The following NRXN3 variants were observed in gnomAD, a reference collection of about 807,000 sequenced individuals.
The protein encoded by NRXN3 is neurexin 3.
In NRXN3, 32 loss-of-function variants were observed where a neutral mutation model predicts 137.6. The observed-to-expected ratio is 0.23, with a 90% CI of 0.18 to 0.31. The LOEUF is 0.31. Ranked by LOEUF, NRXN3 falls within the 10% of genes least tolerant of loss-of-function variation. The pLI, the probability that NRXN3 is intolerant of heterozygous loss-of-function variation, is 1.00. For missense variants in NRXN3, 1,574 were observed against 2,062.5 expected (o/e 0.76, Z 4.59); for synonymous variants, 798 against 784.5 (o/e 1.02, Z -0.29).
chr14:78,341,507 T>C (rs1226637763), intron 4 of NRXN3, among the ~76,000 whole-genome samples: 1 of 152,160 alleles, frequency 6.6e-6, no homozygotes, highest in African/African-American at 2.4e-5. Context: ...ATAGACAATA[T>C]GTAAAAAATG....
At chr14:79,245,020 T>C (rs1308798814) in intron 15 of NRXN3, among the ~76,000 whole-genome samples, 1 of 152,052 alleles carries the variant, frequency 6.6e-6, no homozygotes. Flanking sequence ...GATTCTTGGG[T>C]CCCAGTCTCA....
At chr14:78,887,374 T>C (rs2099146579) in intron 10 of NRXN3, among the ~76,000 whole-genome samples, 1 of 151,238 alleles carries the variant, frequency 6.6e-6, no homozygotes, top group African/African-American at 2.4e-5. Flanking sequence ...TTTATCTTTC[T>C]TTTTTTTTCT....
rs187758762 is a variant in NRXN3 at position 78,989,829 on chromosome 14, C to G, written c.3262+1688C>G. On this transcript the variant is annotated intron_variant, in intron 15 of 20. Coordinates refer to ENST00000335750, the MANE Select transcript of NRXN3 (RefSeq NM_001330195.2). ...GGTAGAAAATGGTCAGGAAGAGACT[C>G]TCCACACAGAACAGGTATAAAGGTA... 3.9e-5 allele frequency among the ~76,000 whole-genome samples: 6 copies of G among 152,312 alleles called. No homozygotes were observed. In the East Asian group the frequency reaches 7.7e-4, roughly 20 times the overall value.
In NRXN3 at chr14:79,377,503, T is replaced by C. The variant is rs112448399; in HGVS notation, c.3263-89718T>C. 8.1e-3 allele frequency among the ~76,000 whole-genome samples: 1,235 copies of C among 152,134 alleles called. 18 individuals are homozygous for C. The highest frequency in any genetic ancestry group is 0.028 in the African/African-American group (1,159 of 41,516). On this transcript the variant is annotated intron_variant, in intron 15 of 20. Transcript: ENST00000335750. Reference sequence around the variant, plus strand: ...GCATAGTGGCTCATGCCTGTAATCCTAGCACTTTGGGAGGCCGAGGCAGGC... The same window carrying C: ...GCATAGTGGCTCATGCCTGTAATCCCAGCACTTTGGGAGGCCGAGGCAGGC...
intron 4 of NRXN3, among the ~76,000 whole-genome samples, chr14:78,336,537 G>T (rs528057180): frequency 7.2e-5 from 11 of 152,176 alleles, no homozygotes; most frequent in Non-Finnish European, 1.6e-4. Context: ...GGAGGCTCCT[G>T]GGTTTATATT....
intron 10 of NRXN3, among the ~76,000 whole-genome samples, chr14:78,825,196 CAAAAAAAAAAAA>C (rs11335474): frequency 6.6e-5 from 5 of 75,812 alleles, no homozygotes; most frequent in African/African-American, 2.0e-4. Context: ...GACTCTGCCT[CAAAAAAAAAAAA>C]AAAAAAAAAG....
chr14:79,037,273 A>G (rs1349109712), intron 15 of NRXN3, among the ~76,000 whole-genome samples: 1 of 152,164 alleles, frequency 6.6e-6, no homozygotes, highest in South Asian at 2.1e-4. Context: ...AAGTGCGCGC[A>G]TGTGCACACA....
Position 78,930,517 on chromosome 14 carries a change from T to TTG in NRXN3, c.2276-26725_2276-26724insTG, listed in dbSNP as rs2099318577. Among the ~76,000 whole-genome samples, 7 of 152,304 alleles carry TTG rather than the reference T, an allele frequency of 4.6e-5. No individual in the cohort carries two copies. In the South Asian group the frequency reaches 1.5e-3, roughly 32 times the overall value. ...GTGCTCTCAAGTCTGGTGGGAGAGATAGGCATGTAAACAGATGAATTACAG... is the reference window on the plus strand; with the variant it reads ...GTGCTCTCAAGTCTGGTGGGAGAGATTGAGGCATGTAAACAGATGAATTACAG... On this transcript the variant is annotated intron_variant, in intron 10 of 20. Coordinates refer to ENST00000335750, the MANE Select transcript of NRXN3 (RefSeq NM_001330195.2).
intron 5 of NRXN3, among the ~76,000 whole-genome samples, chr14:78,649,563 C>CTT (rs11366920): frequency 0.014 from 1,797 of 125,100 alleles, 44 homozygotes; most frequent in African/African-American, 0.051. Flanking sequence ...CCAAAAAATG[C>CTT]TTTTTTTTTT....
At chr14:78,230,231 T>C (rs956226330) in intron 1 of NRXN3, among the ~76,000 whole-genome samples, 15 of 151,834 alleles carry the variant, frequency 9.9e-5, no homozygotes, top group African/African-American at 3.6e-4. Context: ...CACCATGTTG[T>C]CCAGGCTGGT....
chr14:78,387,137 C>A lies in NRXN3; in HGVS notation c.757+89277C>A, dbSNP rs138644963. 3.7e-4 allele frequency among the ~76,000 whole-genome samples: 56 copies of A among 152,162 alleles called. 1 individual carries two copies. The East Asian group carries it at 0.011, about 29-fold the overall frequency. ...AATGCTCACCCCCAGCTCACAAGAC[C>A]AATGTAGTACTTTATGTATAACAAA... On this transcript the variant is annotated intron_variant, in intron 4 of 20. Coordinates refer to ENST00000335750, the MANE Select transcript of NRXN3 (RefSeq NM_001330195.2).
At chr14:79,825,230 G>T (rs2141124193) in intron 20 of NRXN3, among the ~76,000 whole-genome samples, 1 of 115,074 alleles carries the variant, frequency 8.7e-6, no homozygotes. Context: ...TTTTTTTACG[G>T]CCGTCCAATT....
At chr14:78,722,059 G>A (rs1470646335) in intron 8 of NRXN3, among the ~76,000 whole-genome samples, 1 of 152,080 alleles carries the variant, frequency 6.6e-6, no homozygotes, top group Non-Finnish European at 1.5e-5. Context: ...CCAGGTGAGA[G>A]TCTGAGCTAC....
chr14:78,697,960 C>A (rs1289186022), intron 6 of NRXN3: 1 of 152,040 alleles, frequency 6.6e-6, no homozygotes, highest in African/African-American at 2.4e-5. Context: ...AGCAGAAGTG[C>A]TTCACAGGCC....
intron 16 of NRXN3, among the ~76,000 whole-genome samples, chr14:79,519,508 T>A (rs566136096): frequency 6.6e-6 from 1 of 152,190 alleles, no homozygotes; most frequent in Non-Finnish European, 1.5e-5. Context: ...TTGATTTTGT[T>A]ATTTTCTCCT....
At chr14:78,848,504 A>T (rs1235365207) in intron 10 of NRXN3, among the ~76,000 whole-genome samples, 1 of 152,174 alleles carries the variant, frequency 6.6e-6, no homozygotes. Flanking sequence ...AGATTAGAGA[A>T]GGACATGTCA....
intron 4 of NRXN3, among the ~76,000 whole-genome samples, chr14:78,531,097 T>C (rs1481878208): frequency 6.6e-6 from 1 of 152,172 alleles, no homozygotes; most frequent in Non-Finnish European, 1.5e-5. Context: ...GTCTCTTTCT[T>C]TTTGCCCCTT....
chr14:79,362,935 T>G (rs892210506), intron 15 of NRXN3, among the ~76,000 whole-genome samples: 6 of 152,080 alleles, frequency 3.9e-5, no homozygotes, highest in African/African-American at 7.2e-5. Flanking sequence ...TAAAAACACA[T>G]AGAGAGTATT....
chr14:78,332,377 A>G (rs979356798), intron 4 of NRXN3, among the ~76,000 whole-genome samples: 2 of 144,336 alleles, frequency 1.4e-5, no homozygotes, highest in African/African-American at 5.2e-5. Flanking sequence ...GTGCAGTGGC[A>G]TGATCTCAGC....
Sources: gnomAD v4.1 joint callset for allele counts (sites outside exome capture counted in the v4.1 genomes callset) on GRCh38, gnomAD v4.1.1 for gene constraint, MANE v1.5 for transcripts, NCBI Gene and HGNC (gene_info 2026-07-23, HGNC 2026-07-21) for gene names.